VAV2: variants seen among roughly 807,000 people sequenced by gnomAD.
The protein encoded by VAV2 is vav guanine nucleotide exchange factor 2.
Under a neutral mutation model 132.5 loss-of-function variants are expected in VAV2, and 67 were observed. The ratio of observed to expected loss-of-function variants is 0.51; its 90% CI spans 0.42 to 0.62. The LOEUF is 0.62. VAV2 is among the 20% of genes least tolerant of loss of function. The pLI, the probability that VAV2 is intolerant of heterozygous loss-of-function variation, is 0.00. For synonymous variants in VAV2, 492 were observed against 443.5 expected (o/e 1.11, Z -1.37); for missense variants, 938 against 1,153.6 (o/e 0.81, Z 2.71).
intron 2 of VAV2, among the ~76,000 whole-genome samples, chr9:133,906,102 C>A (rs894034637): frequency 6.6e-6 from 1 of 152,150 alleles, no homozygotes; most frequent in Non-Finnish European, 1.5e-5. Context: ...ACCTTCCAGA[C>A]GGTAAGTCTG....
At chr9:133,978,779 C>T (rs1476889548) in intron 1 of VAV2, among the ~76,000 whole-genome samples, 1 of 152,248 alleles carries the variant, frequency 6.6e-6, no homozygotes, top group Non-Finnish European at 1.5e-5. Flanking sequence ...TCCCACTGCC[C>T]AGTCCTGTCC....
rs1028239299 is a variant in VAV2, at chr9:133,969,157, C to T, written c.204+22918G>A. Among the ~76,000 whole-genome samples the T allele has an allele frequency of 1.3e-5, 2 of 151,610 alleles. No individual in the cohort carries two copies. The highest frequency in any genetic ancestry group is 2.4e-5 in the African/African-American group (1 of 41,222). On this transcript the variant is annotated intron_variant, in intron 1 of 29. Coordinates refer to ENST00000371850, the MANE Select transcript of VAV2 (RefSeq NM_001134398.2). This position sits in a 1 kb window ranked among gnomAD's most constrained non-coding sequence, Gnocchi z 5.1. ...CCCGAGAGCTGGATTCCACCGTGCC[C>T]GCCGGGCCTGCGAGGACGAGAGCTG...
At chr9:133,985,525 G>C (rs2132305555) in intron 1 of VAV2, among the ~76,000 whole-genome samples, 1 of 152,144 alleles carries the variant, frequency 6.6e-6, no homozygotes, top group African/African-American at 2.4e-5. Flanking sequence ...CAAATGATCT[G>C]CCCACCTAGG....
At chr9:133,906,741 C>T (rs1359900779) in intron 2 of VAV2, among the ~76,000 whole-genome samples, 1 of 152,242 alleles carries the variant, frequency 6.6e-6, no homozygotes, top group Non-Finnish European at 1.5e-5. Context: ...GAACCACAGA[C>T]ACAAAACCCA....
intron 1 of VAV2, among the ~76,000 whole-genome samples, chr9:133,949,664 C>T (rs1433385052): frequency 6.6e-6 from 1 of 152,200 alleles, no homozygotes; most frequent in Non-Finnish European, 1.5e-5. Context: ...ACTCAGAGGG[C>T]CCAGCCAGCT....
intron 1 of VAV2, among the ~76,000 whole-genome samples, chr9:133,947,893 G>A (rs1487570646): frequency 1.3e-5 from 2 of 151,618 alleles, no homozygotes; most frequent in Admixed American, 6.6e-5. Flanking sequence ...AGGTTCAAGC[G>A]ATTCTCCCGC....
chr9:133,766,859 G>T (rs1297669546), intron 29 of VAV2, among the ~76,000 whole-genome samples: 1 of 148,510 alleles, frequency 6.7e-6, no homozygotes, highest in African/African-American at 2.5e-5. Flanking sequence ...ACATGAGAAC[G>T]CTTGCACAAA....
Position 133,796,415 on chromosome 9 carries a change from G to T in VAV2, c.1032+14C>A, listed in dbSNP as rs1344810592. 3 of 1,610,568 alleles carry T rather than the reference G, an allele frequency of 1.9e-6. No homozygotes were observed. In the Admixed American group the frequency reaches 5.0e-5, roughly 27 times the overall value. On this transcript the variant is annotated intron_variant, in intron 11 of 29. Transcript: ENST00000371850. Reference sequence around the variant, plus strand: ...AGTGATGACCCCGCAGGCACCCGGGGCCCAGAGCCTCACCTTCAAGAGCAG... The same window carrying T: ...AGTGATGACCCCGCAGGCACCCGGGTCCCAGAGCCTCACCTTCAAGAGCAG...
chr9:133,867,325 C>T (rs181979015), intron 2 of VAV2, among the ~76,000 whole-genome samples: 1 of 152,228 alleles, frequency 6.6e-6, no homozygotes, highest in Non-Finnish European at 1.5e-5. Flanking sequence ...CTCTTTCTGG[C>T]GCCTTGGAGA....
rs1833352791 is a variant in VAV2, at chr9:133,764,078, T to C, written c.2621A>G (p.Glu874Gly). 6.2e-7 allele frequency: 1 copy of C among 1,613,884 alleles called. No homozygotes were observed. Among genetic ancestry groups the C allele is most frequent in the African/African-American group, 1.3e-5 (1 of 74,884 alleles). ...IGWFPSTYVEEEGIQ is the reference protein window; with the variant it reads ...IGWFPSTYVEGEGIQ The stretch of plus-strand genomic sequence containing the variant: ...TTCCTGCCGTCACTGGATGCCCTCC[T>C]CTTCTACGTACGTTGAAGGAAACCA... The change falls in exon 30 of 30, where the codon GAG becomes GGG. Residue 874 changes from glutamate (E) to glycine (G), a missense_variant. Physicochemically the swap from Glu to Gly is moderately conservative, Grantham distance 98 (BLOSUM62 -2). Coordinates refer to ENST00000371850, the MANE Select transcript of VAV2 (RefSeq NM_001134398.2).
chr9:133,818,955 G>C (rs62576522), intron 4 of VAV2, among the ~76,000 whole-genome samples: 30,052 of 151,908 alleles, frequency 0.2, 3,577 homozygotes, highest in African/African-American at 0.33. Context: ...ATATTGGCCA[G>C]GCTGGTCTCG....
At chr9:133,800,381 G>T (rs1277140887) in intron 9 of VAV2, among the ~76,000 whole-genome samples, 1 of 152,228 alleles carries the variant, frequency 6.6e-6, no homozygotes, top group Non-Finnish European at 1.5e-5. Context: ...GAGGCGGGAG[G>T]ACGAGTCTGG....
chr9:133,914,385 C>T (rs958227704), intron 2 of VAV2, among the ~76,000 whole-genome samples: 3 of 151,732 alleles, frequency 2.0e-5, no homozygotes, highest in African/African-American at 7.3e-5. Context: ...CATCAGCAGA[C>T]GGATGGATAA....
At chr9:133,792,359 A>ATG (rs141878473) in intron 12 of VAV2, among the ~76,000 whole-genome samples, 57,821 of 122,826 alleles carry the variant, frequency 0.47, 12,318 homozygotes, top group South Asian at 0.54. Flanking sequence ...GGTGGGGTGC[A>ATG]TGTGTGTGTG....
At chr9:133,799,091 C>T (rs543656709) in intron 9 of VAV2, among the ~76,000 whole-genome samples, 16 of 152,308 alleles carry the variant, frequency 1.1e-4, no homozygotes, top group South Asian at 4.1e-4. Context: ...GGGTGGCCCT[C>T]GGGGAGAAGC....
At chr9:133,828,914 AGCTGTCACCTCTTCTGAGGAGGCCCG>A (rs1376002140) in intron 4 of VAV2, among the ~76,000 whole-genome samples, 13 of 152,206 alleles carry the variant, frequency 8.5e-5, no homozygotes, top group Middle Eastern at 3.2e-3. Flanking sequence ...GCTGAGGCCC[AGCTGTCACCTCTTCTGAGGAGGCCCG>A]GCTGTCACCT....
chr9:133,783,546 C>T lies in VAV2; in HGVS notation c.1680G>A (p.Gly560=). 1.2e-6 allele frequency: 2 copies of T among 1,613,976 alleles called. No homozygotes were observed. Among genetic ancestry groups the T allele is most frequent in the South Asian group, 1.1e-5 (1 of 91,082 alleles). ...TCACTTCCAGGCACTCCTTGTGTGC[C>T]CCGACGCCACACTTGGTACACATGT... ...QGYMCTKCGV[G]AHKECLEVIP... The change falls in exon 19 of 30, where the codon GGG becomes GGA. Residue 560 remains glycine (G), a synonymous_variant. Transcript: ENST00000371850.
rs552054621 is a variant in VAV2 at position 133,807,515 on chromosome 9, C to A, written c.667-189G>T. Among the ~76,000 whole-genome samples, 3 of 152,172 alleles carry A rather than the reference C, an allele frequency of 2.0e-5. No homozygotes were observed. In the South Asian group the frequency reaches 6.2e-4, roughly 32 times the overall value. ...GAGGTGAGTGCAGGGCAGGAAGGTG[C>A]GGGGGTAAAGATTCTAACGCTCCCA... is the stretch of plus-strand genomic sequence containing the variant. On this transcript the variant is annotated intron_variant, in intron 7 of 29. Transcript: ENST00000371850.
In VAV2 at chr9:133,935,334, G is replaced by C. The variant is rs565325107; in HGVS notation, c.321+3769C>G. Among the ~76,000 whole-genome samples the C allele has an allele frequency of 6.6e-6, 1 of 152,316 alleles. No homozygotes were observed. Among genetic ancestry groups the C allele is most frequent in the Admixed American group, 6.5e-5 (1 of 15,306 alleles). ...CTTCATCTCTGTGGCCAGAGGGACC[G>C]ATGCATGGAATGGCCAAGTAAGGAA... On this transcript the variant is annotated intron_variant, in intron 2 of 29. Coordinates refer to ENST00000371850, the MANE Select transcript of VAV2 (RefSeq NM_001134398.2). The surrounding 1 kb of genome is among the most constrained non-coding windows in gnomAD (Gnocchi z 5.2).
Sources: allele counts gnomAD v4.1 joint callset (sites outside exome capture counted in the v4.1 genomes callset), GRCh38; gene constraint gnomAD v4.1.1; non-coding constraint Gnocchi (gnomAD v3.1); transcripts MANE v1.5; gene names NCBI Gene and HGNC (gene_info 2026-07-23, HGNC 2026-07-21).